Variants in COL1A2 observed in about 807,000 individuals in gnomAD.
COL1A2 encodes the protein collagen type I alpha 2 chain, also known as collagen alpha-2(I) chain.
In COL1A2, 49 loss-of-function variants were observed where a neutral mutation model predicts 174.3. That is an observed-to-expected ratio of 0.28 (90% CI 0.22 to 0.36). The LOEUF is 0.36. COL1A2 is among the 10% of genes least tolerant of loss of function. The pLI, the probability that COL1A2 is intolerant of heterozygous loss-of-function variation, is 1.00. For missense variants in COL1A2, 1,438 were observed against 1,822.7 expected, an observed-to-expected ratio of 0.79 and a Z score of 3.84; for synonymous variants, 655 against 606.6, an observed-to-expected ratio of 1.08 and a Z score of -1.17.
chr7:94,424,216 T>C (rs1043530022), intron 40 of COL1A2, 120 bp from the exon 41 acceptor site: 4 of 788,010 alleles, frequency 5.1e-6, no homozygotes, highest in Non-Finnish European at 8.9e-6. Context: ...TATGTCCTAG[T>C]AATAGGAGGT....
intron 50 of COL1A2, 44 bp from the exon 51 acceptor site, chr7:94,429,144 G>A: frequency 7.8e-7 from 1 of 1,286,502 alleles, no homozygotes; most frequent in Non-Finnish European, 1.1e-6. Context: ...CTTAGTATCT[G>A]AGTCCTTCTC....
chr7:94,427,194 G>C lies in COL1A2; in HGVS notation c.3166G>C (p.Ala1056Pro). 1.2e-6 allele frequency: 2 copies of C among 1,614,024 alleles called. No homozygotes were observed. The highest frequency in any genetic ancestry group is 1.7e-6 in the Non-Finnish European group (2 of 1,179,968). The change falls in exon 48 of 52, where the codon GCT becomes CCT. Residue 1056 changes from alanine to proline, a missense_variant. Ala to Pro is a conservative substitution (Grantham distance 27). This residue lies in a region of COL1A2 where 867 missense variants were observed against 1,213.7 expected (regional missense o/e 0.71). Transcript: ENST00000297268. ...SVGPAGPRGP[A>P]GPSGPAGKDG... The stretch of plus-strand genomic sequence containing the variant: ...TGGTGTCTGTCTTCCTTAGGGCCCT[G>C]CTGGTCCTTCTGGCCCTGCTGGAAA...
At chr7:94,426,766 T>A (rs1792286520) in intron 46 of COL1A2, 2 of 626,128 alleles carry the variant, frequency 3.2e-6, no homozygotes, top group African/African-American at 3.7e-5. Flanking sequence ...ACAATGTCCT[T>A]CAACCCCACT....
chr7:94,426,938 GGA>G (rs1792290273), intron 46 of COL1A2, 68 bp from the exon 47 acceptor site: 16 of 1,363,510 alleles, frequency 1.2e-5, no homozygotes, highest in Non-Finnish European at 1.6e-5. Flanking sequence ...CATTCAATTT[GGA>G]AAAAAAAAAA....
chr7:94,400,332 G>A (rs752991577), intron 5 of COL1A2, 44 bp downstream of exon 5: 1 of 1,507,034 alleles, frequency 6.6e-7, no homozygotes, highest in Non-Finnish European at 9.2e-7. Flanking sequence ...AACTTCAGTT[G>A]AAAGAAGGTT....
chr7:94,430,561 C>A lies in COL1A2; in HGVS notation c.*168C>A. 3 of 738,912 alleles carry A rather than the reference C, an allele frequency of 4.1e-6. No individual in the cohort carries two copies. Among genetic ancestry groups the A allele is most frequent in the African/African-American group, 1.8e-5 (1 of 56,326 alleles). The allele number at this position is 738,912 out of a possible 1,614,324, so 45.8% of individuals were successfully genotyped here. On this transcript the variant is annotated 3_prime_UTR_variant, in exon 52 of 52. Coordinates refer to ENST00000297268, the MANE Select transcript of COL1A2 (RefSeq NM_000089.4). The stretch of plus-strand genomic sequence containing the variant: ...AAGAAGGATTGATCAGAGCATTGTG[C>A]AATACAGTTTCATTAACTCCTTCCC...
At chr7:94,425,346 G>C (rs1792251524) in intron 42 of COL1A2, 122 bp downstream of exon 42, 6 of 968,638 alleles carry the variant, frequency 6.2e-6, no homozygotes, top group Non-Finnish European at 9.7e-6. Flanking sequence ...CTTCTCCATA[G>C]TATCTACACC....
intron 30 of COL1A2, among the ~76,000 whole-genome samples, chr7:94,415,659 T>C (rs1174560497): frequency 1.3e-5 from 2 of 152,044 alleles, no homozygotes; most frequent in Non-Finnish European, 2.9e-5. Flanking sequence ...TGAGTAGTCA[T>C]ATAAAGAAAA....
chr7:94,415,222 C>G lies in COL1A2; in HGVS notation c.1720-4C>G, dbSNP rs1299014464. The G allele has an allele frequency of 6.2e-7, 1 of 1,612,954 alleles. No homozygotes were observed. The highest frequency in any genetic ancestry group is 8.5e-7 in the Non-Finnish European group (1 of 1,179,086). On this transcript the variant is annotated splice_polypyrimidine_tract_variant and splice_region_variant and intron_variant, in intron 29 of 51. Transcript: ENST00000297268. The stretch of plus-strand genomic sequence containing the variant: ...TTCATGCTTTATTCTCATGTTTTGT[C>G]TAGGGTCTCCATGGTGAGTTTGGTC...
Position 94,418,562 on chromosome 7 carries a change from A to G in COL1A2, c.2025+10A>G, listed in dbSNP as rs779574183. The G allele has an allele frequency of 6.2e-7, 1 of 1,610,998 alleles. No individual in the cohort carries two copies. Among genetic ancestry groups the G allele is most frequent in the South Asian group, 1.1e-5 (1 of 90,348 alleles). On this transcript the variant is annotated intron_variant, in intron 33 of 51. Coordinates refer to ENST00000297268, the MANE Select transcript of COL1A2 (RefSeq NM_000089.4). ...CAGAGATGGTGCTCGTGTGAGTAGA[A>G]TTTTGTTTGTATGTTTCTTCGTACT...
At chr7:94,425,458 T>C in intron 42 of COL1A2, 152 bp from the exon 43 acceptor site, 5 of 898,620 alleles carry the variant, frequency 5.6e-6, no homozygotes, top group Non-Finnish European at 8.9e-6. Flanking sequence ...AAAAAATATC[T>C]AGGTTGGCAG....
In COL1A2 at chr7:94,420,037, C is replaced by A. The variant is rs77478691; in HGVS notation, c.2080-196C>A. Among the ~76,000 whole-genome samples the A allele has an allele frequency of 4.3e-3, 660 of 152,280 alleles. 7 individuals carry two copies. Among genetic ancestry groups the A allele is most frequent in the African/African-American group, 0.015 (635 of 41,556 alleles). ...TTATAGTGTTTTCTCAAGTGTATAA[C>A]CCATACTACTTAACCCCCAAAATGA... On this transcript the variant is annotated intron_variant, in intron 34 of 51. Coordinates refer to ENST00000297268, the MANE Select transcript of COL1A2 (RefSeq NM_000089.4).
intron 38 of COL1A2, 26 bp downstream of exon 38, chr7:94,421,088 C>T (rs1320198621): frequency 2.5e-5 from 40 of 1,612,870 alleles, no homozygotes; most frequent in Middle Eastern, 1.6e-4. Flanking sequence ...GGACTCTCGC[C>T]GCTTTTCTTT....
Position 94,430,605 on chromosome 7 carries a change from G to C in COL1A2, c.*212G>C, listed in dbSNP as rs1792381911. 3.5e-6 allele frequency: 2 copies of C among 572,288 alleles called. No homozygotes were observed. Among genetic ancestry groups the C allele is most frequent in the Admixed American group, 3.2e-5 (1 of 30,882 alleles). 35.5% of individuals were successfully genotyped at this position (572,288 alleles called of 1,614,324 possible). A position where few individuals can be genotyped will look rare whatever the true frequency, so the allele number is the denominator to read the frequency against. ...CCTTCCCCCGCTCCCCCAAAAATTT[G>C]AATTTTTTTTTCAACACTCTTACAC... On this transcript the variant is annotated 3_prime_UTR_variant, in exon 52 of 52. Coordinates refer to ENST00000297268, the MANE Select transcript of COL1A2 (RefSeq NM_000089.4).
intron 5 of COL1A2, among the ~76,000 whole-genome samples, chr7:94,400,848 A>C (rs1791675589): frequency 6.6e-6 from 1 of 152,178 alleles, no homozygotes; most frequent in African/African-American, 2.4e-5. Context: ...TATTTGCTTA[A>C]TTGGTTAGCA....
In COL1A2 at chr7:94,421,023, C is replaced by T; in HGVS notation, c.2310C>T (p.Pro770=). The T allele has an allele frequency of 6.2e-7, 1 of 1,613,880 alleles. No homozygotes were observed. Among genetic ancestry groups the T allele is most frequent in the East Asian group, 2.2e-5 (1 of 44,842 alleles). Residue 770 remains proline (P), a synonymous_variant, in exon 38 of 52, where the codon CCC becomes CCT. Coordinates refer to ENST00000297268, the MANE Select transcript of COL1A2 (RefSeq NM_000089.4). The part of the protein sequence containing the change: ...GAAGPAGPNG[P]PGPAGSRGDG... ...TTTGCATTTAGGGTCCAAATGGTCC[C>T]CCCGGTCCTGCTGGAAGTCGTGGTG...
chr7:94,428,247 C>A, intron 49 of COL1A2, 46 bp from the exon 50 acceptor site: 1 of 1,424,514 alleles, frequency 7.0e-7, no homozygotes, highest in Non-Finnish European at 9.9e-7. Flanking sequence ...AATCTGTGTT[C>A]TGCTCAATGA....
At position 94,412,676 on chromosome 7, in the gene COL1A2, C is replaced by A. The variant is rs1791953578; in HGVS notation, c.1497C>A (p.Gly499=). Residue 499 remains glycine (G), a synonymous_variant, in exon 25 of 52, where the codon GGC becomes GGA. Coordinates refer to ENST00000297268, the MANE Select transcript of COL1A2 (RefSeq NM_000089.4). The part of the protein sequence containing the change: ...PGNIGFPGPK[G]PTGDPGKNGD... ...ACATTGGATTCCCTGGACCCAAAGG[C>A]CCCACTGTAAGAATCACCACAACTT... is the stretch of plus-strand genomic sequence containing the variant. The A allele has an allele frequency of 6.2e-7, 1 of 1,613,654 alleles. No individual in the cohort carries two copies. Among genetic ancestry groups the A allele is most frequent in the African/African-American group, 1.3e-5 (1 of 74,882 alleles).
intron 30 of COL1A2, 90 bp from the exon 31 acceptor site, chr7:94,416,315 G>A (rs750569549): frequency 3.2e-5 from 37 of 1,145,532 alleles, no homozygotes; most frequent in Non-Finnish European, 4.0e-5. Context: ...ACCAGGGCTC[G>A]GAAGCTACAC....
Sources: allele counts gnomAD v4.1 joint callset (sites outside exome capture counted in the v4.1 genomes callset), GRCh38; gene constraint gnomAD v4.1.1; regional missense constraint gnomAD v4.1.1; transcripts MANE v1.5; gene names NCBI Gene and HGNC (gene_info 2026-07-23, HGNC 2026-07-21).